INTS6: variants seen among roughly 807,000 people sequenced by gnomAD.
INTS6 encodes integrator complex subunit 6.
In INTS6, 16 loss-of-function variants were observed where a neutral mutation model predicts 104.9. The observed-to-expected ratio is 0.15, with a 90% CI of 0.10 to 0.23. The LOEUF (loss-of-function observed/expected upper bound fraction) is 0.23, where lower values mean the gene tolerates loss of function less well. Among genes scored for constraint, INTS6 ranks in the 10% least tolerant of loss-of-function variants. The pLI, the probability that INTS6 is intolerant of heterozygous loss-of-function variation, is 1.00. For missense variants in INTS6, 584 were observed against 1,062.8 expected, an observed-to-expected ratio of 0.55 and a Z score of 6.26; for synonymous variants, 324 against 358.7, an observed-to-expected ratio of 0.90 and a Z score of 1.09.
At chr13:51,370,184 T>G (rs1955776852) in intron 15 of INTS6, among the ~76,000 whole-genome samples, 1 of 152,232 alleles carries the variant, frequency 6.6e-6, no homozygotes, top group South Asian at 2.1e-4. Context: ...CAACAACTTA[T>G]GCTTTAACTG....
chr13:51,421,281 G>A lies in INTS6; in HGVS notation c.429+9013C>T, dbSNP rs990346094. Reference sequence around the variant, plus strand: ...CCCTCCCTGAGGCACCAGTCATCATGAGACAGTCAGTGCACTTTAGCACTT... The same window carrying A: ...CCCTCCCTGAGGCACCAGTCATCATAAGACAGTCAGTGCACTTTAGCACTT... On this transcript the variant is annotated intron_variant, in intron 4 of 17. Transcript: ENST00000311234. The A allele has an allele frequency of 3.0e-6, 3 of 985,626 alleles. No homozygotes were observed. In the African/African-American group the frequency reaches 5.2e-5, roughly 17 times the overall value. 61.1% of individuals were successfully genotyped at this position (985,626 alleles called of 1,614,324 possible). A position where few individuals can be genotyped will look rare whatever the true frequency, so the allele number is the denominator to read the frequency against.
Position 51,395,381 on chromosome 13 carries a change from T to A in INTS6, c.532A>T (p.Thr178Ser), listed in dbSNP as rs749514240. 6.2e-7 allele frequency: 1 copy of A among 1,614,024 alleles called. No homozygotes were observed. ...AACTGTTCTGATTCTACTGACATGG[T>A]GCCAGGCAACCGCAACACTAATGCA... The part of the protein sequence containing the change: ...LFALVLRLPG[T>S]MSVESEQLTG... The change falls in exon 5 of 18, where the codon ACC (threonine) becomes TCC (serine). Residue 178 changes from threonine to serine, a missense_variant. Coordinates refer to ENST00000311234, the MANE Select transcript of INTS6 (RefSeq NM_012141.3).
At chr13:51,372,521 C>T (rs796784099) in intron 15 of INTS6, among the ~76,000 whole-genome samples, 15 of 152,244 alleles carry the variant, frequency 9.9e-5, no homozygotes, top group African/African-American at 3.6e-4. Flanking sequence ...TTATTCAGTG[C>T]AATAGGCAGT....
chr13:51,415,236 A>C (rs1956766876), intron 4 of INTS6, among the ~76,000 whole-genome samples: 1 of 152,184 alleles, frequency 6.6e-6, no homozygotes, highest in East Asian at 1.9e-4. Flanking sequence ...GAAAAGTTGC[A>C]GTGATTGTAC....
At chr13:51,402,224 T>C (rs1956452992) in intron 4 of INTS6, among the ~76,000 whole-genome samples, 1 of 152,198 alleles carries the variant, frequency 6.6e-6, no homozygotes, top group Non-Finnish European at 1.5e-5. Flanking sequence ...GAGCTTTACA[T>C]ACAGTATTTA....
the INTS6 span, chr13:51,340,725 G>T: frequency 2.7e-5 from 8 of 293,102 alleles, no homozygotes; most frequent in Non-Finnish European, 5.2e-5. Flanking sequence ...AGAACAATGA[G>T]TAGGATTACC....
At chr13:51,341,230 G>T in the INTS6 span, 29 of 1,613,980 alleles carry the variant, frequency 1.8e-5, no homozygotes, top group Non-Finnish European at 2.1e-5. Flanking sequence ...GTGTAGAAAT[G>T]AGACGAACTT....
chr13:51,439,708 G>A (rs1206891386), intron 3 of INTS6: 3 of 152,198 alleles, frequency 2.0e-5, no homozygotes, highest in Admixed American at 6.5e-5. Flanking sequence ...TCTCAAAGAA[G>A]TTTAAAACCT....
chr13:51,387,629 TA>T (rs1956164972), intron 6 of INTS6, 89 bp from the exon 7 acceptor site: 1 of 988,908 alleles, frequency 1.0e-6, no homozygotes, highest in Middle Eastern at 2.5e-4. Flanking sequence ...TTACTTAAAT[TA>T]ATAAAAAATT....
At position 51,428,506 on chromosome 13, in the gene INTS6, T is replaced by C. The variant is rs140295742; in HGVS notation, c.429+1788A>G. The stretch of plus-strand genomic sequence containing the variant: ...CGCCCAGCTAATTTTTTTGTATTTT[T>C]GGTAGAGACAGGGTTTCACCATGTT... On this transcript the variant is annotated intron_variant, in intron 4 of 17. Coordinates refer to ENST00000311234, the MANE Select transcript of INTS6 (RefSeq NM_012141.3). Among the ~76,000 whole-genome samples, 204 of 151,998 alleles carry C rather than the reference T, an allele frequency of 1.3e-3. 1 individual carries two copies. Among genetic ancestry groups the C allele is most frequent in the African/African-American group, 4.8e-3 (199 of 41,442 alleles).
At chr13:51,366,733 T>C (rs956304609) in intron 17 of INTS6, among the ~76,000 whole-genome samples, 6 of 152,006 alleles carry the variant, frequency 3.9e-5, no homozygotes, top group African/African-American at 1.4e-4. Context: ...AACTGGCCTA[T>C]GCTCTAGCCA....
chr13:51,431,586 A>G (rs1957091141), intron 3 of INTS6, among the ~76,000 whole-genome samples: 1 of 152,142 alleles, frequency 6.6e-6, no homozygotes, highest in Non-Finnish European at 1.5e-5. Flanking sequence ...TATATACGCA[A>G]TATTTATTGA....
chr13:51,389,944 T>C lies in INTS6; in HGVS notation c.614-500A>G, dbSNP rs146852128. 1.3e-3 allele frequency among the ~76,000 whole-genome samples: 205 copies of C among 152,266 alleles called. 1 individual carries two copies. Among genetic ancestry groups the C allele is most frequent in the African/African-American group, 4.8e-3 (200 of 41,582 alleles). The stretch of plus-strand genomic sequence containing the variant: ...TAACTACTTGTTTACTGGCAGTTTT[T>C]AAGTATTTTAAATATTTGCATTTTA... On this transcript the variant is annotated intron_variant, in intron 5 of 17. Transcript: ENST00000311234.
the INTS6 span, chr13:51,348,415 A>T: frequency 6.2e-7 from 1 of 1,612,110 alleles, no homozygotes; most frequent in Non-Finnish European, 8.5e-7. Flanking sequence ...TGCCCAGGTG[A>T]GCAGCTGAGT....
At chr13:51,420,070 G>A (rs933039837) in intron 4 of INTS6, among the ~76,000 whole-genome samples, 6 of 152,080 alleles carry the variant, frequency 3.9e-5, no homozygotes, top group Admixed American at 3.3e-4. Context: ...AACCTAAAAT[G>A]TTCACTATCT....
intron 4 of INTS6, among the ~76,000 whole-genome samples, chr13:51,410,654 A>T (rs911940979): frequency 6.6e-6 from 1 of 152,188 alleles, no homozygotes. Flanking sequence ...CTAGGAAAAG[A>T]TCTCTTAAAT....
At chr13:51,435,826 T>A (rs1957176578) in intron 3 of INTS6, among the ~76,000 whole-genome samples, 1 of 152,030 alleles carries the variant, frequency 6.6e-6, no homozygotes, top group African/African-American at 2.4e-5. Context: ...ATACTGTTAA[T>A]TTTTTTAAAG....
intron 4 of INTS6, among the ~76,000 whole-genome samples, chr13:51,410,611 G>A (rs1956666345): frequency 1.3e-5 from 2 of 152,050 alleles, no homozygotes; most frequent in African/African-American, 4.8e-5. Context: ...GCTCCTTGGA[G>A]AAAATACAGG....
chr13:51,417,954 T>C (rs1460355496), intron 4 of INTS6, among the ~76,000 whole-genome samples: 2 of 152,024 alleles, frequency 1.3e-5, no homozygotes, highest in African/African-American at 4.8e-5. Context: ...CCTGAAAAAA[T>C]AAAACAAACA....
Sources: allele counts gnomAD v4.1 joint callset (sites outside exome capture counted in the v4.1 genomes callset), GRCh38; gene constraint gnomAD v4.1.1; transcripts MANE v1.5; gene names NCBI Gene and HGNC (gene_info 2026-07-23, HGNC 2026-07-21).